Variants in HAUS8 observed in about 807,000 individuals in gnomAD.
HAUS8 encodes HAUS augmin-like complex subunit 8.
HAUS8 carries 38 observed loss-of-function variants against 42.9 expected under a neutral mutation model. The ratio of observed to expected loss-of-function variants is 0.89; its 90% CI spans 0.68 to 1.16. The LOEUF (loss-of-function observed/expected upper bound fraction) is 1.16, where lower values mean the gene tolerates loss of function less well. Ranked by LOEUF, HAUS8 falls within the 50% of genes most tolerant of loss-of-function variation. HAUS8 has a pLI of 0.00. For missense variants in HAUS8, 494 were observed against 511.6 expected (o/e 0.97, Z 0.33); for synonymous variants, 199 against 205.8 (o/e 0.97, Z 0.28).
chr19:17,074,745 C>T (rs1444864641), intron 1 of HAUS8: 1 of 152,266 alleles, frequency 6.6e-6, no homozygotes, highest in Non-Finnish European at 1.5e-5. Context: ...AGTGATTCCT[C>T]TTGCTGGCCA....
At chr19:17,071,772 G>A (rs1015701494) in intron 2 of HAUS8, among the ~76,000 whole-genome samples, 3 of 152,060 alleles carry the variant, frequency 2.0e-5, no homozygotes, top group East Asian at 1.9e-4. Context: ...CGAGGTGGAC[G>A]GATCACTTGA....
chr19:17,051,008 C>T (rs1192817589), intron 10 of HAUS8, among the ~76,000 whole-genome samples: 1 of 151,708 alleles, frequency 6.6e-6, no homozygotes, highest in Non-Finnish European at 1.5e-5. Flanking sequence ...TGCAGTGAAC[C>T]GAGATCGCGC....
chr19:17,049,948 TGGGCTGATGAACGTGGCCTGAGCGG>T lies in HAUS8; in HGVS notation c.1133_1157del (p.Pro378GlnfsTer44). On this transcript the variant is annotated frameshift_variant, in exon 11 of 11. Coordinates refer to ENST00000253669, the MANE Select transcript of HAUS8 (RefSeq NM_033417.2). LOFTEE classifies it low-confidence loss of function (END_TRUNC). The stretch of plus-strand genomic sequence containing the variant: ...GGCTGCTTGAAGAAAAATCTTCGCT[TGGGCTGATGAACGTGGCCTGAGCGG>T]GGGCTGACGAGGCACCCGGGTTGTC... 1 of 1,559,960 alleles carries T rather than the reference TGGGCTGATGAACGTGGCCTGAGCGG, an allele frequency of 6.4e-7. No individual in the cohort carries two copies. Among genetic ancestry groups the T allele is most frequent in the Non-Finnish European group, 8.7e-7 (1 of 1,151,640 alleles).
At chr19:17,056,339 G>C (rs931624144) in intron 8 of HAUS8, among the ~76,000 whole-genome samples, 2 of 152,164 alleles carry the variant, frequency 1.3e-5, no homozygotes, top group African/African-American at 4.8e-5. Flanking sequence ...CAAACATGCT[G>C]TCTGGGTCTT....
chr19:17,070,524 C>T (rs1039669089), intron 2 of HAUS8, among the ~76,000 whole-genome samples: 7 of 152,200 alleles, frequency 4.6e-5, no homozygotes, highest in Non-Finnish European at 7.3e-5. Flanking sequence ...GCGTGGACCC[C>T]CTTGCTGTGC....
intron 4 of HAUS8, among the ~76,000 whole-genome samples, chr19:17,060,530 T>C (rs2057354194): frequency 2.6e-5 from 4 of 152,204 alleles, no homozygotes; most frequent in Admixed American, 2.6e-4. Flanking sequence ...TGCCTCAGCC[T>C]CCCAAGTAGC....
intron 2 of HAUS8, among the ~76,000 whole-genome samples, chr19:17,072,470 G>A (rs1453187570): frequency 6.7e-6 from 1 of 150,250 alleles, no homozygotes; most frequent in African/African-American, 2.5e-5. Context: ...AGCCTCCTGA[G>A]TAGCTGGGAT....
chr19:17,058,450 T>A (rs2057338754), intron 8 of HAUS8, 99 bp downstream of exon 8: 1 of 1,207,264 alleles, frequency 8.3e-7, no homozygotes, highest in Non-Finnish European at 1.2e-6. Context: ...TAGAAGCCAG[T>A]GAGCAATGAT....
At chr19:17,074,143 T>C (rs1407658263) in intron 1 of HAUS8, 2 of 151,780 alleles carry the variant, frequency 1.3e-5, no homozygotes, top group Admixed American at 1.3e-4. Flanking sequence ...TGACTAGGGG[T>C]TTCAGGGTTT....
chr19:17,055,774 C>T (rs993267870), intron 9 of HAUS8, 87 bp downstream of exon 9: 24 of 1,400,124 alleles, frequency 1.7e-5, no homozygotes, highest in South Asian at 5.4e-5. Flanking sequence ...AGGGCACTTG[C>T]GGTGATGACA....
intron 2 of HAUS8, among the ~76,000 whole-genome samples, chr19:17,070,582 C>T (rs559049840): frequency 2.0e-5 from 3 of 152,350 alleles, no homozygotes; most frequent in African/African-American, 7.2e-5. Flanking sequence ...TCAGTTCAGA[C>T]CACAGCACAC....
intron 10 of HAUS8, chr19:17,051,578 G>T (rs1471731745): frequency 6.6e-6 from 1 of 151,966 alleles, no homozygotes; most frequent in Non-Finnish European, 1.5e-5. Context: ...TGATGTGAGG[G>T]CGCCTGTGCT....
chr19:17,071,222 T>C (rs1278796083), intron 2 of HAUS8, among the ~76,000 whole-genome samples: 1 of 152,166 alleles, frequency 6.6e-6, no homozygotes, highest in Non-Finnish European at 1.5e-5. Context: ...ATATCTTTGT[T>C]CCAGTTGATT....
At chr19:17,067,343 A>C (rs2057393148) in intron 3 of HAUS8, among the ~76,000 whole-genome samples, 1 of 152,212 alleles carries the variant, frequency 6.6e-6, no homozygotes, top group African/African-American at 2.4e-5. Flanking sequence ...CTTCTAAAAA[A>C]GGCAAAAATG....
chr19:17,065,528 ACT>A (rs1327860756), intron 3 of HAUS8, among the ~76,000 whole-genome samples: 2 of 151,930 alleles, frequency 1.3e-5, no homozygotes, highest in African/African-American at 2.4e-5. Context: ...AGTCATGAAG[ACT>A]CTATAAAAAC....
At chr19:17,075,236 C>T in intron 1 of HAUS8, 158 bp downstream of exon 1, 2 of 770,818 alleles carry the variant, frequency 2.6e-6, no homozygotes, top group East Asian at 5.4e-5. Flanking sequence ...GGAGCATGCG[C>T]AGAGGCAGCA....
intron 9 of HAUS8, among the ~76,000 whole-genome samples, chr19:17,055,627 G>A (rs948264478): frequency 7.9e-5 from 12 of 152,152 alleles, no homozygotes; most frequent in African/African-American, 2.7e-4. Flanking sequence ...CCCGCAAAAT[G>A]CCTTTCGGCA....
chr19:17,064,817 T>C (rs2057378711), intron 3 of HAUS8, among the ~76,000 whole-genome samples: 1 of 152,092 alleles, frequency 6.6e-6, no homozygotes. Context: ...TGGATAAGAC[T>C]CCAAAAGCAC....
chr19:17,069,212 GGTCACCACTCCTCCTGCTCGCCTC>G, intron 2 of HAUS8, 126 bp from the exon 3 acceptor site: 1 of 784,026 alleles, frequency 1.3e-6, no homozygotes. Context: ...GAACAGAGGA[GGTCACCACTCCTCCTGCTCGCCTC>G]TGATCACGTC....
Sources: allele counts gnomAD v4.1 joint callset (sites outside exome capture counted in the v4.1 genomes callset), GRCh38; gene constraint gnomAD v4.1.1; transcripts MANE v1.5; gene names NCBI Gene and HGNC (gene_info 2026-07-23, HGNC 2026-07-21).